DNMT1: variants seen among roughly 807,000 people sequenced by gnomAD.
DNMT1 encodes the protein DNA (cytosine-5)-methyltransferase 1.
Under a neutral mutation model 205.3 loss-of-function variants are expected in DNMT1, and 24 were observed. The ratio of observed to expected loss-of-function variants is 0.12; its 90% CI spans 0.08 to 0.16. The LOEUF is 0.16. Ranked by LOEUF, DNMT1 falls within the 10% of genes least tolerant of loss-of-function variation. The pLI is 1.00. For missense variants in DNMT1, 1,293 were observed against 2,177.7 expected (o/e 0.59, Z 8.09); for synonymous variants, 817 against 839.8 (o/e 0.97, Z 0.47).
chr19:10,146,200 T>C lies in DNMT1; in HGVS notation c.2894+151A>G, dbSNP rs1366141013. 3.5e-6 allele frequency: 3 copies of C among 869,280 alleles called. No homozygotes were observed. Among genetic ancestry groups the C allele is most frequent in the Admixed American group, 2.8e-5 (1 of 36,148 alleles). The allele number at this position is 869,280 out of a possible 1,614,324, so 53.8% of individuals were successfully genotyped here. On this transcript the variant is annotated intron_variant, in intron 28 of 40. Coordinates refer to ENST00000359526, the MANE Select transcript of DNMT1 (RefSeq NM_001130823.3). The surrounding 1 kb of genome is among the most constrained non-coding windows in gnomAD (Gnocchi z 4.4). The stretch of plus-strand genomic sequence containing the variant: ...CATCATGGTCAGTCTACACGATTTA[T>C]GTTGTCTGTTTGCCACCTATGCCAA...
At chr19:10,163,272 C>G in intron 12 of DNMT1, 54 bp downstream of exon 12, 1 of 1,603,326 alleles carries the variant, frequency 6.2e-7, no homozygotes. Context: ...TGGCCTAGAA[C>G]AGGCTTTCTA....
At chr19:10,145,393 A>G (rs1452209464) in intron 28 of DNMT1, among the ~76,000 whole-genome samples, 1 of 152,230 alleles carries the variant, frequency 6.6e-6, no homozygotes, top group African/African-American at 2.4e-5. Context: ...TCCAGTTCTC[A>G]TAATTCACAG....
chr19:10,146,535 C>T lies in DNMT1; in HGVS notation c.2721-11G>A. On this transcript the variant is annotated splice_polypyrimidine_tract_variant and intron_variant, in intron 27 of 40. Coordinates refer to ENST00000359526, the MANE Select transcript of DNMT1 (RefSeq NM_001130823.3). The surrounding 1 kb of genome is among the most constrained non-coding windows in gnomAD (Gnocchi z 4.4). Reference sequence around the variant, plus strand: ...CAGCTCACACAGAATCTGAAGGAAACAAAGGGACAGAAACATAAGGCCCTG... The same window carrying T: ...CAGCTCACACAGAATCTGAAGGAAATAAAGGGACAGAAACATAAGGCCCTG... 2.5e-6 allele frequency: 4 copies of T among 1,613,950 alleles called. No individual in the cohort carries two copies. The highest frequency in any genetic ancestry group is 2.2e-5 in the East Asian group (1 of 44,878).
chr19:10,152,758 TCAACAACAACAACAACAA>T (rs372179811), intron 22 of DNMT1, among the ~76,000 whole-genome samples: 1 of 150,636 alleles, frequency 6.6e-6, no homozygotes, highest in Non-Finnish European at 1.5e-5. Flanking sequence ...GAGACCCATC[TCAACAACAACAACAACAA>T]CAACAACAAC....
chr19:10,190,369 T>A (rs1005374985), intron 1 of DNMT1, among the ~76,000 whole-genome samples: 1 of 152,096 alleles, frequency 6.6e-6, no homozygotes, highest in Non-Finnish European at 1.5e-5. Flanking sequence ...AAATAATCAC[T>A]AATTTCAGTG....
Position 10,138,117 on chromosome 19 carries a change from G to A in DNMT1, c.4116-108C>T. The A allele has an allele frequency of 7.4e-7, 1 of 1,360,384 alleles. No individual in the cohort carries two copies. 84.3% of individuals were successfully genotyped at this position (1,360,384 alleles called of 1,614,324 possible). A position where few individuals can be genotyped will look rare whatever the true frequency, so the allele number is the denominator to read the frequency against. On this transcript the variant is annotated intron_variant, in intron 35 of 40. Coordinates refer to ENST00000359526, the MANE Select transcript of DNMT1 (RefSeq NM_001130823.3). This position sits in a 1 kb window ranked among gnomAD's most constrained non-coding sequence, Gnocchi z 4.1. Reference sequence around the variant, plus strand: ...CAGATGGCCTTCTCCCGAGATCACAGCACTGCCCGAGGTCACATGGGTGGC... The same window carrying A: ...CAGATGGCCTTCTCCCGAGATCACAACACTGCCCGAGGTCACATGGGTGGC...
chr19:10,167,828 C>A (rs2038727038), intron 10 of DNMT1, among the ~76,000 whole-genome samples: 1 of 152,056 alleles, frequency 6.6e-6, no homozygotes, highest in African/African-American at 2.4e-5. Context: ...TGAGAAGGGC[C>A]CTGGGGTTGG....
chr19:10,146,797 T>C lies in DNMT1; in HGVS notation c.2721-273A>G, dbSNP rs2038213635. ...AGATATCAATGAACAGGGTCTAGAA[T>C]ATGGTTAAGAACACACCACGAGCAA... On this transcript the variant is annotated intron_variant, in intron 27 of 40. Coordinates refer to ENST00000359526, the MANE Select transcript of DNMT1 (RefSeq NM_001130823.3). This position sits in a 1 kb window ranked among gnomAD's most constrained non-coding sequence, Gnocchi z 4.4. Among the ~76,000 whole-genome samples the C allele has an allele frequency of 6.6e-6, 1 of 152,098 alleles. No individual in the cohort carries two copies. Among genetic ancestry groups the C allele is most frequent in the Non-Finnish European group, 1.5e-5 (1 of 68,022 alleles).
rs76760999 is a variant in DNMT1 at position 10,153,108 on chromosome 19, C to T, written c.2019+1185G>A. 5.8e-3 allele frequency among the ~76,000 whole-genome samples: 886 copies of T among 152,234 alleles called. 18 individuals carry two copies. Among genetic ancestry groups the T allele is most frequent in the East Asian group, 0.034 (177 of 5,184 alleles). On this transcript the variant is annotated intron_variant, in intron 22 of 40. Coordinates refer to ENST00000359526, the MANE Select transcript of DNMT1 (RefSeq NM_001130823.3). ...TGGTAGAACCATTTTGGAGAGCAAT[C>T]TTCTAGATCAAAGTTAAGAATACAC...
intron 24 of DNMT1, 81 bp from the exon 25 acceptor site, chr19:10,150,049 AAAGT>A: frequency 5.0e-6 from 6 of 1,193,942 alleles, no homozygotes; most frequent in Non-Finnish European, 7.5e-6. Context: ...TCTGTTACTT[AAAGT>A]AAGACATGAC....
intron 1 of DNMT1, among the ~76,000 whole-genome samples, chr19:10,192,670 C>T (rs1670281912): frequency 6.6e-6 from 1 of 152,058 alleles, no homozygotes; most frequent in African/African-American, 2.4e-5. Context: ...CATCATGAAG[C>T]CAGGCACTTT....
intron 5 of DNMT1, among the ~76,000 whole-genome samples, chr19:10,179,039 G>A (rs548247929): frequency 2.4e-4 from 35 of 145,354 alleles, no homozygotes; most frequent in Non-Finnish European, 4.9e-4. Context: ...TGAGGCAAAA[G>A]AATGGCATGA....
intron 33 of DNMT1, 46 bp downstream of exon 33, chr19:10,140,000 C>T (rs780589732): frequency 8.7e-6 from 14 of 1,602,010 alleles, no homozygotes; most frequent in Admixed American, 1.7e-5. Flanking sequence ...ACATGCGGCA[C>T]AGCCCCGGGC....
At chr19:10,183,406 T>C (rs897705563) in intron 1 of DNMT1, among the ~76,000 whole-genome samples, 4 of 152,040 alleles carry the variant, frequency 2.6e-5, no homozygotes, top group African/African-American at 9.7e-5. Context: ...TGAGCCATCA[T>C]GCCCAGCCTG....
Position 10,160,068 on chromosome 19 carries a change from G to A in DNMT1, c.1044-5C>T, listed in dbSNP as rs1480359316. 1 of 1,516,102 alleles carries A rather than the reference G, an allele frequency of 6.6e-7. No homozygotes were observed. Among genetic ancestry groups the A allele is most frequent in the East Asian group, 2.4e-5 (1 of 40,824 alleles). The allele number at this position is 1,516,102 out of a possible 1,614,324, so 93.9% of individuals were successfully genotyped here. A position where few individuals can be genotyped will look rare whatever the true frequency, so the allele number is the denominator to read the frequency against. ...CGAGCCATTTTTTTCTCCGTTCTGG[G>A]GGAAAAAAAAAAATCACAAGATCGT... On this transcript the variant is annotated splice_region_variant and splice_polypyrimidine_tract_variant and intron_variant, in intron 14 of 40. Transcript: ENST00000359526.
chr19:10,178,613 C>T (rs1023284490), intron 5 of DNMT1: 19 of 152,128 alleles, frequency 1.2e-4, no homozygotes, highest in African/African-American at 4.4e-4. Flanking sequence ...AAAAATTATC[C>T]AGGCGTGGTG....
Position 10,140,797 on chromosome 19 carries a change from C to T in DNMT1, c.3507G>A (p.Glu1169=). The change falls in exon 32 of 41, where the codon GAG becomes GAA. Residue 1169 remains glutamate, a synonymous_variant. Transcript: ENST00000359526. This position sits in a 1 kb window ranked among gnomAD's most constrained non-coding sequence, Gnocchi z 8.4. ...DVFSGCGGLS[E]GFHQAGISDT... ...GGCGCTCACCTGCTTGGTGGAATCC[C>T]TCCGACAACCCCCCGCAGCCAGAAA... The T allele has an allele frequency of 1.2e-6, 2 of 1,614,100 alleles. No homozygotes were observed. The highest frequency in any genetic ancestry group is 8.5e-7 in the Non-Finnish European group (1 of 1,179,980).
rs1327078717 is a variant in DNMT1 at position 10,177,362 on chromosome 19, G to T, written c.499C>A (p.Pro167Thr). Residue 167 changes from proline to threonine, a missense_variant, in exon 6 of 41, where the codon CCT becomes ACT. This residue lies in a region of DNMT1 where 394 missense variants were observed against 451.6 expected (regional missense o/e 0.87). Transcript: ENST00000359526. ...ASQVTGIRAE[P>T]SPSPRITRKS... ...CTTGTAATCCTGGGGCTAGGTGAAG[G>T]TTCAGCTGTTTAAAGAAGAAAAAGC... 1 of 1,612,412 alleles carries T rather than the reference G, an allele frequency of 6.2e-7. No individual in the cohort carries two copies. The highest frequency in any genetic ancestry group is 1.7e-5 in the Admixed American group (1 of 59,832).
At chr19:10,142,243 TAGG>T in intron 29 of DNMT1, 23 bp from the exon 30 acceptor site, 3 of 1,613,664 alleles carry the variant, frequency 1.9e-6, no homozygotes, top group Non-Finnish European at 2.5e-6. Flanking sequence ...GAGGCCTCGT[TAGG>T]AGCTCTCCTT....
Sources: gnomAD v4.1 joint callset for allele counts (sites outside exome capture counted in the v4.1 genomes callset) on GRCh38, gnomAD v4.1.1 for gene constraint, gnomAD v4.1.1 regional missense constraint, Gnocchi (gnomAD v3.1) non-coding constraint, MANE v1.5 for transcripts, NCBI Gene and HGNC (gene_info 2026-07-23, HGNC 2026-07-21) for gene names.